The following GRID1 variants were observed in gnomAD, a reference collection of about 807,000 sequenced individuals.
GRID1 encodes the protein glutamate ionotropic receptor delta type subunit 1, also known as glutamate receptor ionotropic, delta-1.
Under a neutral mutation model 98.0 loss-of-function variants are expected in GRID1, and 28 were observed. The observed-to-expected ratio is 0.29, with a 90% CI of 0.21 to 0.39. The LOEUF (loss-of-function observed/expected upper bound fraction) is 0.39, where lower values mean the gene tolerates loss of function less well. GRID1 is among the 10% of genes least tolerant of loss of function. The probability of loss-of-function intolerance (pLI) is 1.00; values close to 1 mark genes in which losing one functional copy is unlikely to be tolerated. For synonymous variants in GRID1, 553 were observed against 538.5 expected, an observed-to-expected ratio of 1.03 and a Z score of -0.37; for missense variants, 1,111 against 1,340.5, an observed-to-expected ratio of 0.83 and a Z score of 2.67.
At chr10:86,114,058 A>T (rs1429846308) in intron 4 of GRID1, among the ~76,000 whole-genome samples, 1 of 151,488 alleles carries the variant, frequency 6.6e-6, no homozygotes, top group Non-Finnish European at 1.5e-5. Context: ...CAGCATTCAC[A>T]TTGGTTTCCT....
At position 85,856,059 on chromosome 10, in the gene GRID1, A is replaced by C. The variant is rs768744157; in HGVS notation, c.1083T>G (p.Gly361=). The C allele has an allele frequency of 1.3e-5, 21 of 1,614,102 alleles. No homozygotes were observed. In the South Asian group the frequency reaches 2.3e-4, roughly 18 times the overall value. Residue 361 remains glycine, a synonymous_variant, in exon 7 of 16, where the codon GGT becomes GGG. Coordinates refer to ENST00000327946, the MANE Select transcript of GRID1 (RefSeq NM_017551.3). ...CIRKSTKPWN[G]GRSMLDTIKK... ...TGATGGTATCCAGCATGGACCTCCC[A>C]CCATTCCATGGCTTAGTGGATTTCC...
intron 8 of GRID1, among the ~76,000 whole-genome samples, chr10:85,785,753 C>G (rs116634444): frequency 0.014 from 2,155 of 152,230 alleles, 56 homozygotes; most frequent in African/African-American, 0.049. Context: ...ATCTCCACCC[C>G]CAGACTCCCA....
chr10:86,343,428 C>T (rs1848338955), intron 2 of GRID1, among the ~76,000 whole-genome samples: 1 of 152,182 alleles, frequency 6.6e-6, no homozygotes, highest in Admixed American at 6.5e-5. Flanking sequence ...CACCATCTCA[C>T]TAATGGAAAG....
intron 12 of GRID1, among the ~76,000 whole-genome samples, chr10:85,676,077 T>A (rs1363112255): frequency 1.3e-5 from 2 of 152,198 alleles, no homozygotes; most frequent in East Asian, 3.8e-4. Flanking sequence ...GAGATTTTCA[T>A]GGCAGCAAAG....
intron 8 of GRID1, among the ~76,000 whole-genome samples, chr10:85,788,039 A>G (rs1450684114): frequency 2.0e-5 from 3 of 147,008 alleles, no homozygotes; most frequent in Non-Finnish European, 4.4e-5. Context: ...CACCCTCTGG[A>G]GACTATAAAC....
intron 12 of GRID1, among the ~76,000 whole-genome samples, chr10:85,672,915 C>T (rs1390110411): frequency 6.6e-6 from 1 of 152,132 alleles, no homozygotes; most frequent in Non-Finnish European, 1.5e-5. Context: ...CTGTAGCTGC[C>T]ATAGATAGTG....
At chr10:85,654,506 G>T (rs1471949558) in intron 12 of GRID1, among the ~76,000 whole-genome samples, 1 of 152,200 alleles carries the variant, frequency 6.6e-6, no homozygotes, top group African/African-American at 2.4e-5. Context: ...CCAAGCATCA[G>T]TTCTGGGCCT....
chr10:85,896,876 C>A (rs561848376), intron 5 of GRID1, among the ~76,000 whole-genome samples: 1 of 152,226 alleles, frequency 6.6e-6, no homozygotes, highest in East Asian at 1.9e-4. Context: ...ATGTTGATTG[C>A]AGCATAATTT....
At chr10:85,616,429 G>A (rs981909316) in intron 14 of GRID1, among the ~76,000 whole-genome samples, 2 of 152,136 alleles carry the variant, frequency 1.3e-5, no homozygotes, top group East Asian at 1.9e-4. Context: ...CCCAGGGGAT[G>A]GTGAGGCTCT....
At chr10:85,846,285 G>A (rs1437589322) in intron 8 of GRID1, among the ~76,000 whole-genome samples, 2 of 152,182 alleles carry the variant, frequency 1.3e-5, no homozygotes, top group East Asian at 1.9e-4. Context: ...TATAATCCCA[G>A]TACTTTGGGA....
intron 3 of GRID1, among the ~76,000 whole-genome samples, chr10:86,190,922 G>A (rs560859816): frequency 1.3e-5 from 2 of 152,322 alleles, no homozygotes; most frequent in African/African-American, 4.8e-5. Context: ...GCATGAGTGT[G>A]TACCTGCATG....
At chr10:85,624,913 G>A (rs1842892960) in intron 13 of GRID1, among the ~76,000 whole-genome samples, 1 of 151,742 alleles carries the variant, frequency 6.6e-6, no homozygotes. Context: ...TTACTATTAG[G>A]GAAATAACAA....
At chr10:85,767,167 A>G (rs1409324369) in intron 8 of GRID1, among the ~76,000 whole-genome samples, 1 of 152,230 alleles carries the variant, frequency 6.6e-6, no homozygotes, top group Non-Finnish European at 1.5e-5. Context: ...TATTTGTCTT[A>G]TGAAAGTTGT....
intron 3 of GRID1, among the ~76,000 whole-genome samples, chr10:86,182,006 G>A (rs1201000927): frequency 6.6e-6 from 1 of 152,208 alleles, no homozygotes; most frequent in Non-Finnish European, 1.5e-5. Flanking sequence ...TTGCTGGCAT[G>A]GAGCAAACAA....
intron 3 of GRID1, among the ~76,000 whole-genome samples, chr10:86,139,715 G>A (rs1025806579): frequency 2.6e-5 from 4 of 152,236 alleles, no homozygotes; most frequent in African/African-American, 7.2e-5. Flanking sequence ...ATGAGCAGGG[G>A]GTTCAAGGAG....
At chr10:86,029,431 C>T (rs1564654174) in intron 4 of GRID1, among the ~76,000 whole-genome samples, 1 of 152,174 alleles carries the variant, frequency 6.6e-6, no homozygotes, top group Non-Finnish European at 1.5e-5. Context: ...TCTGAGATTC[C>T]TTGTGGAACA....
Position 86,353,160 on chromosome 10 carries a change from C to T in GRID1, c.235+10781G>A, listed in dbSNP as rs73342259. The stretch of plus-strand genomic sequence containing the variant: ...AAGCGACCAAGTCCCTCCCTCCCCA[C>T]AGCCCACAACCTCCAGAAGACGTCA... On this transcript the variant is annotated intron_variant, in intron 2 of 15. Coordinates refer to ENST00000327946, the MANE Select transcript of GRID1 (RefSeq NM_017551.3). 9.1e-3 allele frequency among the ~76,000 whole-genome samples: 1,392 copies of T among 152,344 alleles called. 14 individuals are homozygous for T. The highest frequency in any genetic ancestry group is 0.022 in the South Asian group (108 of 4,830).
At chr10:86,032,830 A>T (rs1164745587) in intron 4 of GRID1, among the ~76,000 whole-genome samples, 1 of 22,748 alleles carries the variant, frequency 4.4e-5, no homozygotes, top group South Asian at 3.9e-3. Flanking sequence ...ATAAATACTT[A>T]AAAAAAAAAA....
intron 2 of GRID1, among the ~76,000 whole-genome samples, chr10:86,218,630 T>G (rs1846209566): frequency 1.3e-5 from 2 of 152,300 alleles, no homozygotes; most frequent in South Asian, 4.1e-4. Context: ...TGCCAGAAGC[T>G]CACTGTCACC....
Sources: allele counts gnomAD v4.1 joint callset (sites outside exome capture counted in the v4.1 genomes callset), GRCh38; gene constraint gnomAD v4.1.1; transcripts MANE v1.5; gene names NCBI Gene and HGNC (gene_info 2026-07-23, HGNC 2026-07-21).